Variants in KMT2D observed in about 807,000 individuals in gnomAD.
KMT2D encodes the protein lysine methyltransferase 2D.
KMT2D carries 55 observed loss-of-function variants against 512.7 expected under a neutral mutation model. That is an observed-to-expected ratio of 0.11 (90% CI 0.09 to 0.13). The LOEUF (loss-of-function observed/expected upper bound fraction) is 0.13, where lower values mean the gene tolerates loss of function less well. Ranked by LOEUF, KMT2D falls within the 10% of genes least tolerant of loss-of-function variation. The pLI, the probability that KMT2D is intolerant of heterozygous loss-of-function variation, is 1.00. For synonymous variants in KMT2D, 2,995 were observed against 2,904.0 expected (o/e 1.03, Z -1.01); for missense variants, 6,061 against 7,127.9 (o/e 0.85, Z 5.39).
At position 49,050,767 on chromosome 12, in the gene KMT2D, G is replaced by A. The variant is rs2120656600; in HGVS notation, c.2821C>T (p.Pro941Ser). The change falls in exon 12 of 55, where the codon CCC (proline) becomes TCC (serine). Residue 941 changes from proline to serine, a missense_variant. Coordinates refer to ENST00000301067, the MANE Select transcript of KMT2D (RefSeq NM_003482.4). ...GGTGGGGCCGCAGCTGTGATGATGG[G>A]TGAGAGTGGAGGAGGAAGGGGATCT... ...PPDPLPPPLS[P>S]IITAAAPPAL... The A allele has an allele frequency of 6.2e-7, 1 of 1,609,880 alleles. No homozygotes were observed. The highest frequency in any genetic ancestry group is 8.5e-7 in the Non-Finnish European group (1 of 1,176,862).
Position 49,044,905 on chromosome 12 carries a change from C to G in KMT2D, c.4802G>C (p.Arg1601Pro), listed in dbSNP as rs749039924. Residue 1601 changes from arginine to proline, a missense_variant, in exon 20 of 55, where the codon CGT becomes CCT. Around this residue, in one of 16 missense-constraint regions of KMT2D, gnomAD observed 640 missense variants for 814.3 expected, o/e 0.79. Transcript: ENST00000301067. This position sits in a 1 kb window ranked among gnomAD's most constrained non-coding sequence, Gnocchi z 6.4. ...WLTETGMALL[R>P]NLTMSPLHKR... The stretch of plus-strand genomic sequence containing the variant: ...GTGCAGTGGTGACATGGTCAGGTTA[C>G]GCAGCAAGGCCATGCCAGTTTCTGT... The G allele has an allele frequency of 6.2e-7, 1 of 1,614,038 alleles. No homozygotes were observed. The highest frequency in any genetic ancestry group is 8.5e-7 in the Non-Finnish European group (1 of 1,179,894).
chr12:49,019,913 G>C lies in KMT2D; in HGVS notation c.*1867C>G, dbSNP rs1201710585. On this transcript the variant is annotated 3_prime_UTR_variant, in exon 55 of 55. Transcript: ENST00000301067. Reference sequence around the variant, plus strand: ...AGCTCCCCCTCCAGCAGGCCCGCCCGTCCACCACCACCAAGCCCACCCCTA... The same window carrying C: ...AGCTCCCCCTCCAGCAGGCCCGCCCCTCCACCACCACCAAGCCCACCCCTA... 9.1e-6 allele frequency: 2 copies of C among 219,822 alleles called. No individual in the cohort carries two copies. The highest frequency in any genetic ancestry group is 4.8e-5 in the African/African-American group (2 of 41,558). The allele number at this position is 219,822 out of a possible 1,614,324, so 13.6% of individuals were successfully genotyped here. A position where few individuals can be genotyped will look rare whatever the true frequency, so the allele number is the denominator to read the frequency against.
chr12:49,026,335 C>T lies in KMT2D; in HGVS notation c.15631G>A (p.Glu5211Lys), dbSNP rs759026879. 33 of 1,612,060 alleles carry T rather than the reference C, an allele frequency of 2.0e-5. No individual in the cohort carries two copies. The highest frequency in any genetic ancestry group is 2.6e-5 in the Non-Finnish European group (31 of 1,178,242). The change falls in exon 49 of 55, where the codon GAG becomes AAG. Residue 5211 changes from glutamate to lysine, a missense_variant. Coordinates refer to ENST00000301067, the MANE Select transcript of KMT2D (RefSeq NM_003482.4). The surrounding 1 kb of genome is among the most constrained non-coding windows in gnomAD (Gnocchi z 9.6). ...SATALYPVGY[E>K]ATRIYWSLRT... The stretch of plus-strand genomic sequence containing the variant: ...AGGCTCCAATAGATGCGCGTGGCCT[C>T]GTAGCCCACGGGATAGAGGGCAGTG...
chr12:49,042,172 T>G lies in KMT2D; in HGVS notation c.6026A>C (p.Asp2009Ala). The G allele has an allele frequency of 1.9e-6, 3 of 1,612,484 alleles. No homozygotes were observed. The highest frequency in any genetic ancestry group is 2.5e-6 in the Non-Finnish European group (3 of 1,179,364). ...NQRSLQRWEK[D>A]EELGQLSTIS... The stretch of plus-strand genomic sequence containing the variant: ...GGTGGACAGCTGGCCCAACTCCTCA[T>G]CCTTCTCCCAGCGCTGAAGACTCCG... Residue 2009 changes from aspartate to alanine, a missense_variant, in exon 29 of 55, where the codon GAT (aspartate) becomes GCT (alanine). By Grantham distance (126) the Asp-to-Ala change is moderately radical. Around this residue, in one of 16 missense-constraint regions of KMT2D, gnomAD observed 640 missense variants for 814.3 expected, o/e 0.79. Transcript: ENST00000301067. The surrounding 1 kb of genome is among the most constrained non-coding windows in gnomAD (Gnocchi z 4.4).
Position 49,039,704 on chromosome 12 carries a change from G to A in KMT2D, c.8046+20C>T, listed in dbSNP as rs763239475. The A allele has an allele frequency of 6.2e-7, 1 of 1,609,218 alleles. No individual in the cohort carries two copies. The highest frequency in any genetic ancestry group is 2.2e-5 in the East Asian group (1 of 44,850). On this transcript the variant is annotated intron_variant, in intron 32 of 54. Transcript: ENST00000301067. The surrounding 1 kb of genome is among the most constrained non-coding windows in gnomAD (Gnocchi z 5.0). ...AGACAGGAGCGATATAGGGGGCTTA[G>A]CTCCAGGGTGTCAACTTACCTGCCG...
At position 49,031,807 on chromosome 12, in the gene KMT2D, G is replaced by A. The variant is rs1942928565; in HGVS notation, c.12898C>T (p.Pro4300Ser). Residue 4300 changes from proline to serine, a missense_variant, in exon 40 of 55, where the codon CCA becomes TCA. Around this residue, in one of 16 missense-constraint regions of KMT2D, gnomAD observed 1,600 missense variants for 1,754.9 expected, o/e 0.91. Transcript: ENST00000301067. ...PAPPGALSTG[P>S]VLGPVHPTPP... ...GTGGGATGGACAGGGCCAAGGACTG[G>A]TCCTGTAGATAAGGCTCCTGGTGGG... 2 of 1,585,272 alleles carry A rather than the reference G, an allele frequency of 1.3e-6. No homozygotes were observed. Among genetic ancestry groups the A allele is most frequent in the Non-Finnish European group, 1.7e-6 (2 of 1,164,332 alleles).
chr12:49,045,292 C>T (rs1206913163), intron 19 of KMT2D, among the ~76,000 whole-genome samples: 1 of 152,174 alleles, frequency 6.6e-6, no homozygotes, highest in East Asian at 1.9e-4. Context: ...GTCCTAGATG[C>T]CAGCAGCAGT....
At position 49,032,550 on chromosome 12, in the gene KMT2D, C is replaced by T. The variant is rs1327956137; in HGVS notation, c.12155G>A (p.Gly4052Glu). Residue 4052 changes from glycine (G) to glutamate (E), a missense_variant, in exon 40 of 55, where the codon GGA (glycine) becomes GAA (glutamate). By Grantham distance (98) the Gly-to-Glu change is moderately conservative (BLOSUM62 -2). Coordinates refer to ENST00000301067, the MANE Select transcript of KMT2D (RefSeq NM_003482.4). The stretch of plus-strand genomic sequence containing the variant: ...AGTGGCCATTGACTCAGGGGTAGTT[C>T]CTATTGCTAACGGCCCTCCCTGATG... Reference protein sequence around the residue: ...STHQGGPLAIGTTPESMATEP... With the variant: ...STHQGGPLAIETTPESMATEP... 1.2e-6 allele frequency: 2 copies of T among 1,610,534 alleles called. No individual in the cohort carries two copies. Among genetic ancestry groups the T allele is most frequent in the Non-Finnish European group, 1.7e-6 (2 of 1,178,358 alleles).
At chr12:49,028,258 T>C (rs1022079978) in intron 46 of KMT2D, 117 bp from the exon 47 acceptor site, 1 of 1,244,274 alleles carries the variant, frequency 8.0e-7, no homozygotes, top group Non-Finnish European at 1.1e-6. Flanking sequence ...GGTAGTTCTA[T>C]CCTATGTCAC....
Position 49,051,323 on chromosome 12 carries a change from T to C in KMT2D, c.2360A>G (p.His787Arg), listed in dbSNP as rs762562662. 2 of 1,569,680 alleles carry C rather than the reference T, an allele frequency of 1.3e-6. No individual in the cohort carries two copies. Among genetic ancestry groups the C allele is most frequent in the South Asian group, 2.3e-5 (2 of 87,718 alleles). ...PCLCAVPEEP[H>R]LSPQAEGPHL... ...TGGTCCCTCAGCCTGGGGGGACAAG[T>C]GTGGCTCCTCAGGCACAGCGCATAG... The change falls in exon 11 of 55, where the codon CAC becomes CGC. Residue 787 changes from histidine to arginine, a missense_variant. His to Arg is a conservative substitution (Grantham distance 29, BLOSUM62 0). Coordinates refer to ENST00000301067, the MANE Select transcript of KMT2D (RefSeq NM_003482.4).
At position 49,040,332 on chromosome 12, in the gene KMT2D, T is replaced by G. The variant is rs779438070; in HGVS notation, c.7438A>C (p.Lys2480Gln). The change falls in exon 32 of 55, where the codon AAG becomes CAG. Residue 2480 changes from lysine (K) to glutamine (Q), a missense_variant. Coordinates refer to ENST00000301067, the MANE Select transcript of KMT2D (RefSeq NM_003482.4). ...PRPQPPEVAF[K>Q]AGSLAHTSLG... ...GAAGTGTGGGCTAGAGACCCAGCCT[T>G]AAAGGCAACTTCAGGGGGCTGGGGT... 1.9e-6 allele frequency: 3 copies of G among 1,570,930 alleles called. No homozygotes were observed. The African/African-American group carries it at 4.1e-5, about 21-fold the overall frequency.
chr12:49,024,513 T>C lies in KMT2D; in HGVS notation c.16052+65A>G. 6.5e-7 allele frequency: 1 copy of C among 1,533,026 alleles called. No individual in the cohort carries two copies. The allele number at this position is 1,533,026 out of a possible 1,614,324, so 95.0% of individuals were successfully genotyped here. ...TGATCTGTATCCTAAATCCTCATAA[T>C]GGGACCAGAGGATCCCTGTCAACAC... On this transcript the variant is annotated intron_variant, in intron 51 of 54. Coordinates refer to ENST00000301067, the MANE Select transcript of KMT2D (RefSeq NM_003482.4). The surrounding 1 kb of genome is among the most constrained non-coding windows in gnomAD (Gnocchi z 4.5).
Position 49,026,767 on chromosome 12 carries a change from T to G in KMT2D, c.15199A>C (p.Thr5067Pro). Residue 5067 changes from threonine (T) to proline (P), a missense_variant, in exon 49 of 55, where the codon ACG becomes CCG. By Grantham distance (38) the Thr-to-Pro change is conservative (BLOSUM62 -1). Transcript: ENST00000301067. The surrounding 1 kb of genome is among the most constrained non-coding windows in gnomAD (Gnocchi z 9.6). ...CCGCCCTGGGTCTCATACACCTCCG[T>G]GGACCAAAGGGCACAGTTGAGGTGC... is the stretch of plus-strand genomic sequence containing the variant. The part of the protein sequence containing the change: ...WVHLNCALWS[T>P]EVYETQGGAL... 6.2e-7 allele frequency: 1 copy of G among 1,613,144 alleles called. No individual in the cohort carries two copies. The highest frequency in any genetic ancestry group is 8.5e-7 in the Non-Finnish European group (1 of 1,179,132).
chr12:49,034,996 G>A (rs1433908399), intron 35 of KMT2D, 61 bp from the exon 36 acceptor site: 4 of 1,593,944 alleles, frequency 2.5e-6, no homozygotes, highest in East Asian at 2.3e-5. Flanking sequence ...GAATATCTGC[G>A]ATTCCCTTCA....
chr12:49,051,420 G>T lies in KMT2D; in HGVS notation c.2263C>A (p.Arg755=). ...GGAGATAGGTGTGGCTCCTCAGGCC[G>T]GGGGGACAGGTGCGGCTCCTCAGGC... The part of the protein sequence containing the change: ...PRPEEPHLSP[R]PEEPHLSPQA... The change falls in exon 11 of 55, where the codon CGG becomes AGG. Residue 755 remains arginine, a synonymous_variant. Transcript: ENST00000301067. 1 of 1,607,858 alleles carries T rather than the reference G, an allele frequency of 6.2e-7. No homozygotes were observed. The highest frequency in any genetic ancestry group is 2.2e-5 in the East Asian group (1 of 44,754).
In KMT2D at chr12:49,044,544, A is replaced by G. The variant is rs2120585387; in HGVS notation, c.4964-22T>C. On this transcript the variant is annotated intron_variant, in intron 20 of 54. Transcript: ENST00000301067. This position sits in a 1 kb window ranked among gnomAD's most constrained non-coding sequence, Gnocchi z 6.4. ...CCACCTGCGTATGGTGACAGAAGAG[A>G]TGGAGGCAAATCAGAACTATAGGCC... 6 of 1,612,352 alleles carry G rather than the reference A, an allele frequency of 3.7e-6. No individual in the cohort carries two copies. Among genetic ancestry groups the G allele is most frequent in the Non-Finnish European group, 5.1e-6 (6 of 1,179,158 alleles).
At chr12:49,058,917 G>A (rs1352437012) in intron 1 of KMT2D, among the ~76,000 whole-genome samples, 1 of 152,154 alleles carries the variant, frequency 6.6e-6, no homozygotes, top group Non-Finnish European at 1.5e-5. Flanking sequence ...CCAAGAGGAG[G>A]GGAGGCAAAG....
Position 49,051,280 on chromosome 12 carries a change from A to C in KMT2D, c.2403T>G (p.Pro801=). The C allele has an allele frequency of 6.5e-7, 1 of 1,547,978 alleles. No homozygotes were observed. The highest frequency in any genetic ancestry group is 1.2e-5 in the South Asian group (1 of 81,542). ...QAEGPHLSPQ[P]EELHLSPQTE... ...TCTGGGGGGACAGGTGCAATTCCTC[A>C]GGCTGAGGGGACAGATGTGGTCCCT... Residue 801 remains proline, a synonymous_variant, in exon 11 of 55, where the codon CCT becomes CCG. Transcript: ENST00000301067.
In KMT2D at chr12:49,028,002, C is replaced by T. The variant is rs1398218077; in HGVS notation, c.14515+7G>A. 1.2e-6 allele frequency: 2 copies of T among 1,613,594 alleles called. No individual in the cohort carries two copies. The highest frequency in any genetic ancestry group is 1.7e-6 in the Non-Finnish European group (2 of 1,179,630). On this transcript the variant is annotated splice_region_variant and intron_variant, in intron 47 of 54. Transcript: ENST00000301067. Reference sequence around the variant, plus strand: ...CAAGTCCCAAAGGGCTTCCCTGCCACACTCACCAGGACCCTCAGCTTCCCC... The same window carrying T: ...CAAGTCCCAAAGGGCTTCCCTGCCATACTCACCAGGACCCTCAGCTTCCCC...
Sources: allele counts gnomAD v4.1 joint callset (sites outside exome capture counted in the v4.1 genomes callset), GRCh38; gene constraint gnomAD v4.1.1; regional missense constraint gnomAD v4.1.1; non-coding constraint Gnocchi (gnomAD v3.1); transcripts MANE v1.5; gene names NCBI Gene and HGNC (gene_info 2026-07-23, HGNC 2026-07-21).